Variants in SMYD3 observed in about 807,000 individuals in gnomAD.
SMYD3 encodes histone-lysine N-methyltransferase SMYD3.
Under a neutral mutation model 57.7 loss-of-function variants are expected in SMYD3, and 36 were observed. That is an observed-to-expected ratio of 0.62 (90% CI 0.48 to 0.82). The LOEUF (loss-of-function observed/expected upper bound fraction) is 0.82, where lower values mean the gene tolerates loss of function less well. Ranked by LOEUF, SMYD3 falls within the 40% of genes least tolerant of loss-of-function variation. The pLI is 0.00. For synonymous variants in SMYD3, 211 were observed against 195.0 expected (o/e 1.08, Z -0.68); for missense variants, 515 against 538.8 (o/e 0.96, Z 0.44).
chr1:245,834,558 G>A (rs576332583), intron 10 of SMYD3, among the ~76,000 whole-genome samples: 5 of 152,262 alleles, frequency 3.3e-5, no homozygotes, highest in South Asian at 4.1e-4. Flanking sequence ...ACATCTTAAC[G>A]TCCTCTGAGG....
intron 10 of SMYD3, among the ~76,000 whole-genome samples, chr1:245,809,928 A>G (rs2048368845): frequency 6.6e-6 from 1 of 152,194 alleles, no homozygotes; most frequent in South Asian, 2.1e-4. Flanking sequence ...ATTTTCACAA[A>G]GTCCCAAGAT....
intron 10 of SMYD3, among the ~76,000 whole-genome samples, chr1:245,805,280 A>C (rs2148260025): frequency 1.3e-5 from 2 of 151,984 alleles, no homozygotes; most frequent in South Asian, 4.1e-4. Context: ...CAAGTTTATT[A>C]TGTCCTCATC....
intron 11 of SMYD3, among the ~76,000 whole-genome samples, chr1:245,755,978 TTTTC>T (rs71563758): frequency 0.21 from 31,515 of 151,028 alleles, 3,615 homozygotes; most frequent in East Asian, 0.46. Flanking sequence ...TTTGCTCTCT[TTTTC>T]TTTCTTTTTC....
intron 5 of SMYD3, among the ~76,000 whole-genome samples, chr1:246,090,828 CTTTT>C (rs897963008): frequency 1.3e-5 from 2 of 152,108 alleles, no homozygotes; most frequent in Non-Finnish European, 2.9e-5. Context: ...TTTCTCTTTT[CTTTT>C]GCCTCTTAAC....
intron 5 of SMYD3, among the ~76,000 whole-genome samples, chr1:246,050,886 A>G (rs1374233805): frequency 6.6e-6 from 1 of 152,152 alleles, no homozygotes; most frequent in Admixed American, 6.5e-5. Flanking sequence ...TTACTGAATA[A>G]CAATTCAGGA....
chr1:246,363,075 C>A (rs1283957876), intron 1 of SMYD3, among the ~76,000 whole-genome samples: 2 of 151,460 alleles, frequency 1.3e-5, no homozygotes, highest in Admixed American at 6.6e-5. Context: ...TGCCCCACCG[C>A]CCCTTCTGGG....
intron 5 of SMYD3, among the ~76,000 whole-genome samples, chr1:245,963,632 G>GA (rs1490090388): frequency 6.0e-5 from 9 of 151,034 alleles, no homozygotes; most frequent in Admixed American, 4.6e-4. Flanking sequence ...GGACCATTTT[G>GA]AAAAAACACC....
chr1:245,843,959 T>C (rs1004860774), intron 10 of SMYD3, among the ~76,000 whole-genome samples: 1 of 152,238 alleles, frequency 6.6e-6, no homozygotes, highest in Non-Finnish European at 1.5e-5. Flanking sequence ...CTAGTTGTTA[T>C]GTAAACACTT....
At chr1:245,799,473 A>G (rs2047749303) in intron 10 of SMYD3, among the ~76,000 whole-genome samples, 1 of 11,450 alleles carries the variant, frequency 8.7e-5, no homozygotes, top group African/African-American at 4.9e-4. Flanking sequence ...CTCCTTTCCA[A>G]TTAAATGAAC....
At chr1:246,323,150 C>T (rs1178623686) in intron 5 of SMYD3, among the ~76,000 whole-genome samples, 1 of 152,180 alleles carries the variant, frequency 6.6e-6, no homozygotes, top group South Asian at 2.1e-4. Flanking sequence ...AAAATTCCTC[C>T]TTCCTATGGC....
chr1:246,464,646 T>G (rs1399450268), intron 1 of SMYD3, among the ~76,000 whole-genome samples: 2 of 152,222 alleles, frequency 1.3e-5, no homozygotes, highest in African/African-American at 2.4e-5. Context: ...CTAGGTAAAC[T>G]GTTTGTGTGT....
At chr1:245,829,806 T>C (rs1031813118) in intron 10 of SMYD3, among the ~76,000 whole-genome samples, 1 of 152,184 alleles carries the variant, frequency 6.6e-6, no homozygotes, top group African/African-American at 2.4e-5. Flanking sequence ...AAGAAAATAC[T>C]GATACATGCC....
intron 5 of SMYD3, among the ~76,000 whole-genome samples, chr1:246,133,537 T>C (rs1156778910): frequency 2.0e-5 from 3 of 152,138 alleles, no homozygotes; most frequent in Non-Finnish European, 4.4e-5. Flanking sequence ...TAGTTAAGAA[T>C]GTACAGGAAA....
At chr1:245,820,307 T>G (rs2049089966) in intron 10 of SMYD3, among the ~76,000 whole-genome samples, 1 of 151,490 alleles carries the variant, frequency 6.6e-6, no homozygotes, top group Non-Finnish European at 1.5e-5. Context: ...AATGACTATC[T>G]CAATAGATGC....
chr1:245,894,603 G>A lies in SMYD3; in HGVS notation c.813+20927C>T, dbSNP rs530949676. On this transcript the variant is annotated intron_variant, in intron 8 of 11. Transcript: ENST00000490107. ...GAAGGAACCAACTCTGGACACACTA[G>A]CACACAATAAGTGCCCCCATAAGCT... Among the ~76,000 whole-genome samples the A allele has an allele frequency of 2.6e-5, 4 of 152,276 alleles. No homozygotes were observed. In the South Asian group the frequency reaches 8.3e-4, roughly 32 times the overall value.
intron 5 of SMYD3, among the ~76,000 whole-genome samples, chr1:246,266,346 T>C (rs12033044): frequency 0.2 from 30,152 of 151,984 alleles, 3,776 homozygotes; most frequent in East Asian, 0.58. Flanking sequence ...ATGTCCAAAC[T>C]GCGTGACAGA....
chr1:246,467,199 T>TTA (rs2067894761), intron 1 of SMYD3, among the ~76,000 whole-genome samples: 1 of 152,070 alleles, frequency 6.6e-6, no homozygotes, highest in African/African-American at 2.4e-5. Context: ...AATTTAAAAA[T>TTA]AAAATACACT....
At chr1:246,501,448 C>T (rs1401377975) in intron 1 of SMYD3, among the ~76,000 whole-genome samples, 1 of 152,218 alleles carries the variant, frequency 6.6e-6, no homozygotes, top group Non-Finnish European at 1.5e-5. Context: ...CATTCTGCCA[C>T]ACCCCGTACC....
intron 10 of SMYD3, among the ~76,000 whole-genome samples, chr1:245,850,660 C>A (rs1300462353): frequency 6.6e-6 from 1 of 152,122 alleles, no homozygotes; most frequent in African/African-American, 2.4e-5. Context: ...GTGTTTGCAC[C>A]ACTACACTCC....
Sources: gnomAD v4.1 joint callset for allele counts (sites outside exome capture counted in the v4.1 genomes callset) on GRCh38, gnomAD v4.1.1 for gene constraint, MANE v1.5 for transcripts, NCBI Gene and HGNC (gene_info 2026-07-23, HGNC 2026-07-21) for gene names.